The following RBFOX1 variants were observed in gnomAD, a reference collection of about 807,000 sequenced individuals.
RBFOX1 encodes RNA binding fox-1 homolog 1, also known as RNA binding protein fox-1 homolog 1.
A neutral mutation model predicts 57.7 loss-of-function variants in RBFOX1; 8 were observed. That is an observed-to-expected ratio of 0.14 (90% CI 0.08 to 0.25). RBFOX1 has a LOEUF of 0.25. Among genes scored for constraint, RBFOX1 ranks in the 10% least tolerant of loss-of-function variants. RBFOX1 has a pLI of 1.00. For synonymous variants in RBFOX1, 326 were observed against 222.4 expected (o/e 1.47, Z -4.15); for missense variants, 611 against 548.5 (o/e 1.11, Z -1.14).
At chr16:7,217,027 C>CCTCCCTCCCTCCCTCCCTCCCTT (rs1555582926) in intron 4 of RBFOX1, among the ~76,000 whole-genome samples, 62 of 48,182 alleles carry the variant, frequency 1.3e-3, no homozygotes, top group African/African-American at 6.1e-3. Context: ...CTCCCTCCCT[C>CCTCCCTCCCTCCCTCCCTCCCTT]CCTCCCTCCC....
At chr16:6,678,162 C>T (rs761167273) in intron 3 of RBFOX1, among the ~76,000 whole-genome samples, 8 of 152,192 alleles carry the variant, frequency 5.3e-5, no homozygotes, top group African/African-American at 7.2e-5. Flanking sequence ...CTCGCTCTGT[C>T]GCCCAGGCTG....
At chr16:5,711,706 C>G (rs577745819) in intron 3 of RBFOX1, among the ~76,000 whole-genome samples, 5 of 152,222 alleles carry the variant, frequency 3.3e-5, no homozygotes, top group African/African-American at 1.2e-4. Flanking sequence ...TCTTTACTCT[C>G]AGGAAAATGG....
intron 2 of RBFOX1, among the ~76,000 whole-genome samples, chr16:5,577,471 G>A (rs191668948): frequency 3.3e-5 from 5 of 152,110 alleles, no homozygotes; most frequent in Non-Finnish European, 7.4e-5. Context: ...TTCATATAAT[G>A]AACACCTGTG....
chr16:6,843,912 G>GA lies in RBFOX1; in HGVS notation c.-16+189265dup, dbSNP rs549651860. Among the ~76,000 whole-genome samples the GA allele has an allele frequency of 1.7e-3, 259 of 152,218 alleles. 1 individual carries two copies. The highest frequency in any genetic ancestry group is 5.9e-3 in the African/African-American group (245 of 41,546). On this transcript the variant is annotated intron_variant, in intron 3 of 15. Transcript: ENST00000550418. Reference sequence around the variant, plus strand: ...CTTCAGTATCTAAGAATATGGGGGGGAAATTACCAGAATTCTCCACTGTCT... The same window carrying GA: ...CTTCAGTATCTAAGAATATGGGGGGGAAAATTACCAGAATTCTCCACTGTCT...
At chr16:5,791,718 C>G (rs890444295) in intron 3 of RBFOX1, among the ~76,000 whole-genome samples, 2 of 152,218 alleles carry the variant, frequency 1.3e-5, no homozygotes, top group African/African-American at 2.4e-5. Flanking sequence ...AATTAGCACA[C>G]ACACACAAAA....
chr16:7,082,777 A>G (rs969849418), intron 4 of RBFOX1, among the ~76,000 whole-genome samples: 1 of 152,194 alleles, frequency 6.6e-6, no homozygotes, highest in Non-Finnish European at 1.5e-5. Flanking sequence ...ATCAGAAGCC[A>G]CTGAAACAGA....
At chr16:6,154,366 T>C (rs1257395570) in intron 1 of RBFOX1, among the ~76,000 whole-genome samples, 1 of 152,250 alleles carries the variant, frequency 6.6e-6, no homozygotes, top group Non-Finnish European at 1.5e-5. Context: ...ATTTTCTATG[T>C]TGATAATTCT....
intron 2 of RBFOX1, among the ~76,000 whole-genome samples, chr16:5,558,959 A>G (rs1008760981): frequency 1.3e-5 from 2 of 152,104 alleles, no homozygotes; most frequent in African/African-American, 4.8e-5. Flanking sequence ...TGTGTGAGGC[A>G]TGCCAGGTGG....
intron 4 of RBFOX1, among the ~76,000 whole-genome samples, chr16:7,418,253 C>T (rs544256010): frequency 6.6e-6 from 1 of 152,196 alleles, no homozygotes; most frequent in Non-Finnish European, 1.5e-5. Context: ...AGAGGTTTGC[C>T]AGAGGTAAAC....
chr16:6,575,199 G>A (rs1049821283), intron 2 of RBFOX1, among the ~76,000 whole-genome samples: 4 of 152,124 alleles, frequency 2.6e-5, no homozygotes, highest in Admixed American at 2.0e-4. Flanking sequence ...ATGCCTGTGA[G>A]TGATTTTTCT....
chr16:7,511,043 G>A (rs1001608824), intron 4 of RBFOX1, among the ~76,000 whole-genome samples: 4 of 152,188 alleles, frequency 2.6e-5, no homozygotes, highest in Non-Finnish European at 4.4e-5. Context: ...GGAAATACAG[G>A]TGTGTGAGTG....
chr16:6,817,414 C>G (rs2090316492), intron 3 of RBFOX1, among the ~76,000 whole-genome samples: 1 of 151,748 alleles, frequency 6.6e-6, no homozygotes, highest in African/African-American at 2.4e-5. Context: ...TAACTTTTAG[C>G]TGGACGCAGT....
At chr16:5,349,486 C>T (rs1378914277) in intron 1 of RBFOX1, among the ~76,000 whole-genome samples, 2 of 152,118 alleles carry the variant, frequency 1.3e-5, no homozygotes, top group Non-Finnish European at 2.9e-5. Context: ...CCAGCCTGGC[C>T]AACATGGCGA....
At chr16:6,676,596 G>A (rs757452638) in intron 3 of RBFOX1, among the ~76,000 whole-genome samples, 16 of 150,930 alleles carry the variant, frequency 1.1e-4, no homozygotes, top group South Asian at 2.1e-4. Flanking sequence ...GGACCAGCTC[G>A]GAAAAAAGGA....
chr16:5,571,309 T>C (rs537243364), intron 2 of RBFOX1, among the ~76,000 whole-genome samples: 1 of 137,754 alleles, frequency 7.3e-6, no homozygotes, highest in African/African-American at 2.7e-5. Context: ...CAGCCTCCAC[T>C]TCCTGGGTTC....
At chr16:7,665,621 C>A (rs1409250151) in intron 13 of RBFOX1, among the ~76,000 whole-genome samples, 1 of 152,054 alleles carries the variant, frequency 6.6e-6, no homozygotes, top group Non-Finnish European at 1.5e-5. Flanking sequence ...ATTATGAGAA[C>A]AAGAATTTAA....
intron 4 of RBFOX1, among the ~76,000 whole-genome samples, chr16:7,133,733 A>G (rs2071147303): frequency 6.6e-6 from 1 of 152,194 alleles, no homozygotes; most frequent in Admixed American, 6.5e-5. Context: ...TAGTTTCTTT[A>G]GACGTAGAAT....
At chr16:7,238,876 C>T (rs1490394428) in intron 4 of RBFOX1, among the ~76,000 whole-genome samples, 5 of 152,236 alleles carry the variant, frequency 3.3e-5, no homozygotes, top group African/African-American at 4.8e-5. Context: ...CCCACTTATA[C>T]GTGAGAACAT....
chr16:5,934,775 C>G (rs1053467770), intron 4 of RBFOX1, among the ~76,000 whole-genome samples: 24 of 152,058 alleles, frequency 1.6e-4, no homozygotes, highest in Non-Finnish European at 7.4e-5. Flanking sequence ...ACCCACAGAC[C>G]AAGGCTGCAC....
Sources: allele counts gnomAD v4.1 joint callset (sites outside exome capture counted in the v4.1 genomes callset), GRCh38; gene constraint gnomAD v4.1.1; transcripts MANE v1.5; gene names NCBI Gene and HGNC (gene_info 2026-07-23, HGNC 2026-07-21).